The following AKR1C8 variants were observed in gnomAD, a reference collection of about 807,000 sequenced individuals.
AKR1C8 encodes the protein aldo-keto reductase family 1 member C8, also known as aldo-keto reductase family 1 member C-like protein 1.
At chr10:5,124,165 T>A in the AKR1C8 span, among the ~76,000 whole-genome samples, 1 of 152,176 alleles carries the variant, frequency 6.6e-6, no homozygotes, top group African/African-American at 2.4e-5. Flanking sequence ...AGTAAAAATT[T>A]CTTCAAAGAC....
the AKR1C8 span, among the ~76,000 whole-genome samples, chr10:5,182,611 T>A: frequency 6.6e-6 from 1 of 152,100 alleles, no homozygotes; most frequent in Admixed American, 6.6e-5. Flanking sequence ...AAACCCTATA[T>A]AAAATAATTA....
chr10:5,141,640 G>A, the AKR1C8 span, among the ~76,000 whole-genome samples: 5,029 of 152,210 alleles, frequency 0.033, 277 homozygotes, highest in African/African-American at 0.12. Context: ...CATAAAAACA[G>A]AAGTAATCTT....
At chr10:5,144,191 C>A in the AKR1C8 span, among the ~76,000 whole-genome samples, 2 of 151,946 alleles carry the variant, frequency 1.3e-5, no homozygotes, top group African/African-American at 4.8e-5. Flanking sequence ...TGTAGATATG[C>A]GGTGTTACTT....
At chr10:5,124,576 AAAT>A in the AKR1C8 span, among the ~76,000 whole-genome samples, 2 of 152,192 alleles carry the variant, frequency 1.3e-5, no homozygotes, top group African/African-American at 4.8e-5. Flanking sequence ...TACAATAATA[AAAT>A]AATAACACAA....
chr10:5,150,899 A>G, the AKR1C8 span, among the ~76,000 whole-genome samples: 1 of 152,204 alleles, frequency 6.6e-6, no homozygotes, highest in Non-Finnish European at 1.5e-5. Context: ...CAATAGAGAA[A>G]GAGATTAATT....
At chr10:5,168,696 T>C in the AKR1C8 span, among the ~76,000 whole-genome samples, 1 of 151,898 alleles carries the variant, frequency 6.6e-6, no homozygotes, top group Non-Finnish European at 1.5e-5. Flanking sequence ...TGAAAACATG[T>C]CTCCTGTAAC....
the AKR1C8 span, among the ~76,000 whole-genome samples, chr10:5,140,966 T>C: frequency 1.3e-5 from 2 of 152,160 alleles, no homozygotes; most frequent in African/African-American, 4.8e-5. Context: ...ATTTGCCTCA[T>C]TGATAGACTT....
the AKR1C8 span, among the ~76,000 whole-genome samples, chr10:5,163,426 A>AT: frequency 6.6e-6 from 1 of 152,300 alleles, no homozygotes; most frequent in Middle Eastern, 3.4e-3. Flanking sequence ...TTGTTCTATC[A>AT]TTTTTAGAGC....
the AKR1C8 span, among the ~76,000 whole-genome samples, chr10:5,151,522 A>G: frequency 6.7e-6 from 1 of 150,338 alleles, no homozygotes; most frequent in South Asian, 2.1e-4. Flanking sequence ...TTCTAATTAT[A>G]ATTTTGTACT....
At chr10:5,169,608 G>C in the AKR1C8 span, among the ~76,000 whole-genome samples, 1 of 150,498 alleles carries the variant, frequency 6.6e-6, no homozygotes, top group African/African-American at 2.4e-5. Context: ...TTTATTGTTA[G>C]TAACTGTTAT....
chr10:5,117,880 T>C, the AKR1C8 span, among the ~76,000 whole-genome samples: 13 of 152,140 alleles, frequency 8.5e-5, no homozygotes, highest in African/African-American at 3.1e-4. Flanking sequence ...TCATGAGAGA[T>C]CTGCCCCCAT....
chr10:5,143,577 T>C, the AKR1C8 span, among the ~76,000 whole-genome samples: 1 of 152,080 alleles, frequency 6.6e-6, no homozygotes, highest in Non-Finnish European at 1.5e-5. Context: ...CCCTCAAATG[T>C]ATTCCTGTTC....
the AKR1C8 span, among the ~76,000 whole-genome samples, chr10:5,165,399 A>AC: frequency 6.6e-6 from 1 of 152,020 alleles, no homozygotes; most frequent in African/African-American, 2.4e-5. Context: ...GGGGGATAGG[A>AC]TTTTTTCTCC....
the AKR1C8 span, chr10:5,161,766 C>T: frequency 1.9e-6 from 1 of 534,696 alleles, no homozygotes; most frequent in South Asian, 1.4e-5. Flanking sequence ...TCAGGAAGAA[C>T]CCTGGAAACC....
the AKR1C8 span, among the ~76,000 whole-genome samples, chr10:5,122,956 G>GAGA: frequency 6.6e-6 from 1 of 152,094 alleles, no homozygotes; most frequent in Non-Finnish European, 1.5e-5. Context: ...CAATGATTTG[G>GAGA]AGACTAGAGA....
chr10:5,144,636 A>G, the AKR1C8 span, among the ~76,000 whole-genome samples: 16 of 152,092 alleles, frequency 1.1e-4, no homozygotes, highest in African/African-American at 3.9e-4. Flanking sequence ...CTTTGAAGCA[A>G]TTGTGAATGG....
At chr10:5,162,799 T>C in the AKR1C8 span, 1 of 435,002 alleles carries the variant, frequency 2.3e-6, no homozygotes, top group South Asian at 1.9e-5. Flanking sequence ...CATTTCAAAA[T>C]AATATATCTG....
the AKR1C8 span, among the ~76,000 whole-genome samples, chr10:5,175,589 C>G: frequency 6.6e-6 from 1 of 152,190 alleles, no homozygotes; most frequent in Admixed American, 6.5e-5. Context: ...GACAGTCCCA[C>G]CAACAGTGTA....
chr10:5,118,097 T>G, the AKR1C8 span, among the ~76,000 whole-genome samples: 1 of 152,120 alleles, frequency 6.6e-6, no homozygotes, highest in African/African-American at 2.4e-5. Context: ...GTATAAAAAT[T>G]CATATCAGAC....
Sources: allele counts gnomAD v4.1 joint callset (sites outside exome capture counted in the v4.1 genomes callset), GRCh38; gene constraint gnomAD v4.1.1; transcripts MANE v1.5; gene names NCBI Gene and HGNC (gene_info 2026-07-23, HGNC 2026-07-21).